Variants in DHX29 observed in about 807,000 individuals in gnomAD.
DHX29 encodes the protein ATP-dependent RNA helicase DHX29.
DHX29 carries 79 observed loss-of-function variants against 167.9 expected under a neutral mutation model. That is an observed-to-expected ratio of 0.47 (90% CI 0.39 to 0.57). DHX29 has a LOEUF of 0.57. DHX29 is among the 20% of genes least tolerant of loss of function. DHX29 has a pLI of 0.00. For synonymous variants in DHX29, 530 were observed against 546.0 expected, an observed-to-expected ratio of 0.97 and a Z score of 0.41; for missense variants, 1,347 against 1,593.4, an observed-to-expected ratio of 0.85 and a Z score of 2.63.
intron 18 of DHX29, among the ~76,000 whole-genome samples, chr5:55,271,688 A>G (rs1746859589): frequency 6.6e-6 from 1 of 152,188 alleles, no homozygotes; most frequent in Admixed American, 6.5e-5. Context: ...CTGATTAGAG[A>G]GGTTATATGT....
chr5:55,280,153 A>G (rs184659238), intron 12 of DHX29, among the ~76,000 whole-genome samples: 100 of 152,276 alleles, frequency 6.6e-4, no homozygotes, highest in African/African-American at 2.3e-3. Context: ...TAAATACTTA[A>G]CATGACGATG....
Position 55,295,485 on chromosome 5 carries a change from T to C in DHX29, c.545A>G (p.Gln182Arg), listed in dbSNP as rs778796855. ...AAATTTAGGCCTACTTTTAGGTTGC[T>C]GCTCTTCAAATTCCTGACTGAATCC... ...PEGFSQEFEE[Q>R]QPKSRPKFQS... The change falls in exon 5 of 27, where the codon CAG becomes CGG. Residue 182 changes from glutamine to arginine, a missense_variant. This residue lies in a region of DHX29 where 405 missense variants were observed against 416.8 expected (regional missense o/e 0.97). Transcript: ENST00000251636. The C allele has an allele frequency of 6.2e-7, 1 of 1,614,020 alleles. No individual in the cohort carries two copies. The highest frequency in any genetic ancestry group is 8.5e-7 in the Non-Finnish European group (1 of 1,179,952).
chr5:55,305,178 A>G (rs1748800057), intron 1 of DHX29, among the ~76,000 whole-genome samples: 1 of 152,230 alleles, frequency 6.6e-6, no homozygotes, highest in Non-Finnish European at 1.5e-5. Flanking sequence ...AATTCTTTAC[A>G]TATCATAAGG....
intron 8 of DHX29, among the ~76,000 whole-genome samples, chr5:55,287,955 G>GTC (rs1747827840): frequency 7.0e-6 from 1 of 143,866 alleles, no homozygotes; most frequent in South Asian, 2.2e-4. Flanking sequence ...AAAAAAAAAA[G>GTC]AAAGAAAGAA....
intron 23 of DHX29, among the ~76,000 whole-genome samples, 170 bp downstream of exon 23, chr5:55,266,968 C>T (rs534552622): frequency 5.9e-5 from 9 of 151,350 alleles, no homozygotes; most frequent in African/African-American, 1.7e-4. Context: ...CTGTGTAATA[C>T]GTACAAGTTA....
At chr5:55,306,197 T>TAA (rs1748849980) in intron 1 of DHX29, among the ~76,000 whole-genome samples, 1 of 152,192 alleles carries the variant, frequency 6.6e-6, no homozygotes, top group Non-Finnish European at 1.5e-5. Flanking sequence ...ACCTTCTAGG[T>TAA]AAAGGTCTGG....
Position 55,276,345 on chromosome 5 carries a change from T to G in DHX29, c.2348A>C (p.Tyr783Ser). ...TTCCTCTTCCAGAAATTTCTGACAATATTCTGAGTCTTTTTCCAGTACAAA... is the reference window on the plus strand; with the variant it reads ...TTCCTCTTCCAGAAATTTCTGACAAGATTCTGAGTCTTTTTCCAGTACAAA... The part of the protein sequence containing the change: ...TGFVLEKDSE[Y>S]CQKFLEEEEE... Residue 783 changes from tyrosine to serine, a missense_variant, in exon 14 of 27, where the codon TAT becomes TCT. By Grantham distance (144) the Tyr-to-Ser change is moderately radical (BLOSUM62 -2). Coordinates refer to ENST00000251636, the MANE Select transcript of DHX29 (RefSeq NM_019030.4). 1 of 1,604,564 alleles carries G rather than the reference T, an allele frequency of 6.2e-7. No individual in the cohort carries two copies. The highest frequency in any genetic ancestry group is 8.5e-7 in the Non-Finnish European group (1 of 1,175,644).
chr5:55,290,285 G>C lies in DHX29; in HGVS notation c.840C>G (p.Thr280=). ...KLLDAKEQAA[T]FKLEKNKQGQ... ...CTTGCTTGTTTTTTTCTAGTTTAAA[G>C]GTAGCTGCTTGTTCTTTTGCATCCA... Residue 280 remains threonine (T), a synonymous_variant, in exon 7 of 27, where the codon ACC becomes ACG. Transcript: ENST00000251636. 6.2e-7 allele frequency: 1 copy of C among 1,612,128 alleles called. No homozygotes were observed. Among genetic ancestry groups the C allele is most frequent in the Non-Finnish European group, 8.5e-7 (1 of 1,179,656 alleles).
At chr5:55,271,429 G>A (rs910479862) in intron 18 of DHX29, among the ~76,000 whole-genome samples, 20 of 152,136 alleles carry the variant, frequency 1.3e-4, no homozygotes, top group Admixed American at 1.0e-3. Flanking sequence ...TCAGGAGTTC[G>A]AGACCAGCCT....
chr5:55,276,316 C>G lies in DHX29; in HGVS notation c.2377G>C (p.Glu793Gln). 6.2e-7 allele frequency: 1 copy of G among 1,603,184 alleles called. No individual in the cohort carries two copies. The highest frequency in any genetic ancestry group is 8.5e-7 in the Non-Finnish European group (1 of 1,176,344). ...YCQKFLEEEE[E>Q]VTINVTSKAG... ...TTGCTTGTAACATTAATGGTTACTT[C>G]TTCTTCCTCTTCCAGAAATTTCTGA... The change falls in exon 14 of 27, where the codon GAA (glutamate) becomes CAA (glutamine). Residue 793 changes from glutamate (E) to glutamine (Q), a missense_variant. By Grantham distance (29) the Glu-to-Gln change is conservative (BLOSUM62 2). Around this residue, in one of 3 missense-constraint regions of DHX29, gnomAD observed 882 missense variants for 1,082.4 expected, o/e 0.81. Coordinates refer to ENST00000251636, the MANE Select transcript of DHX29 (RefSeq NM_019030.4).
chr5:55,299,413 C>T lies in DHX29; in HGVS notation c.188-749G>A, dbSNP rs1233044549. Among the ~76,000 whole-genome samples the T allele has an allele frequency of 2.0e-5, 3 of 152,242 alleles. No homozygotes were observed. In the East Asian group the frequency reaches 5.8e-4, roughly 29 times the overall value. On this transcript the variant is annotated intron_variant, in intron 1 of 26. Coordinates refer to ENST00000251636, the MANE Select transcript of DHX29 (RefSeq NM_019030.4). Reference sequence around the variant, plus strand: ...GTGGGAGTTCCTATCATCTTTTCTCCTTGAACTCAAGTCCAGGGTTGCTAT... The same window carrying T: ...GTGGGAGTTCCTATCATCTTTTCTCTTTGAACTCAAGTCCAGGGTTGCTAT...
Position 55,307,588 on chromosome 5 carries a change from A to G in DHX29, c.-15T>C. The G allele has an allele frequency of 1.2e-6, 2 of 1,612,730 alleles. No individual in the cohort carries two copies. The highest frequency in any genetic ancestry group is 1.7e-6 in the Non-Finnish European group (2 of 1,179,920). On this transcript the variant is annotated 5_prime_UTR_variant, in exon 1 of 27. Transcript: ENST00000251636. Reference sequence around the variant, plus strand: ...TTGCCGCCCATGTTGCAGCTGTGGCAGAAGATCCTTCGCGGCCCAGGCCCC... The same window carrying G: ...TTGCCGCCCATGTTGCAGCTGTGGCGGAAGATCCTTCGCGGCCCAGGCCCC...
At chr5:55,258,416 GA>G (rs1746152766) in intron 26 of DHX29, among the ~76,000 whole-genome samples, 1 of 152,126 alleles carries the variant, frequency 6.6e-6, no homozygotes, top group South Asian at 2.1e-4. Context: ...CCTTAGAGGG[GA>G]AATGTTACAG....
intron 4 of DHX29, 24 bp from the exon 5 acceptor site, chr5:55,295,548 G>A (rs1748273367): frequency 1.2e-6 from 2 of 1,604,760 alleles, no homozygotes; most frequent in South Asian, 2.2e-5. Context: ...AAACTATGCT[G>A]AAAATAAACA....
intron 3 of DHX29, among the ~76,000 whole-genome samples, chr5:55,296,882 G>A (rs1319879382): frequency 6.6e-6 from 1 of 152,110 alleles, no homozygotes; most frequent in Non-Finnish European, 1.5e-5. Context: ...AGGCAGAGCT[G>A]GGTTCAAATC....
intron 10 of DHX29, among the ~76,000 whole-genome samples, chr5:55,284,956 GC>G (rs1747640197): frequency 6.6e-6 from 1 of 152,078 alleles, no homozygotes; most frequent in Non-Finnish European, 1.5e-5. Context: ...ATCACTTGAG[GC>G]TTCAGTGAGC....
chr5:55,259,113 T>C (rs1746187386), intron 26 of DHX29, among the ~76,000 whole-genome samples: 1 of 152,202 alleles, frequency 6.6e-6, no homozygotes, highest in African/African-American at 2.4e-5. Flanking sequence ...TCTGGGTAGC[T>C]AGGACTACAG....
chr5:55,275,226 C>A (rs1009418584), intron 14 of DHX29, among the ~76,000 whole-genome samples: 7 of 152,042 alleles, frequency 4.6e-5, no homozygotes, highest in South Asian at 2.1e-4. Flanking sequence ...GTCATCCAGC[C>A]CTTAGGTATA....
rs374796209 is a variant in DHX29 at position 55,262,926 on chromosome 5, T to C, written c.3532A>G (p.Lys1178Glu). 8 of 1,609,490 alleles carry C rather than the reference T, an allele frequency of 5.0e-6. No homozygotes were observed. The Admixed American group carries it at 1.2e-4, about 24-fold the overall frequency. ...RTSLLTLEDV[K>E]QELIKLVKAA... is the part of the protein sequence containing the mutation. ...TTAACCAACTTTATTAACTCCTGCT[T>C]TACATCCTAGATTGGTTTATGTTAA... Residue 1178 changes from lysine (K) to glutamate (E), a missense_variant, in exon 24 of 27, where the codon AAG (lysine) becomes GAG (glutamate). By Grantham distance (56) the Lys-to-Glu change is moderately conservative (BLOSUM62 1). Transcript: ENST00000251636.
Sources: allele counts gnomAD v4.1 joint callset (sites outside exome capture counted in the v4.1 genomes callset), GRCh38; gene constraint gnomAD v4.1.1; regional missense constraint gnomAD v4.1.1; transcripts MANE v1.5; gene names NCBI Gene and HGNC (gene_info 2026-07-23, HGNC 2026-07-21).